The following FARP1 variants were observed in gnomAD, a reference collection of about 807,000 sequenced individuals.
FARP1 encodes FERM, ARHGEF and pleckstrin domain-containing protein 1.
Under a neutral mutation model 128.8 loss-of-function variants are expected in FARP1, and 52 were observed. That is an observed-to-expected ratio of 0.40 (90% confidence interval 0.32 to 0.51). The LOEUF (loss-of-function observed/expected upper bound fraction) is 0.51, where lower values mean the gene tolerates loss of function less well. Ranked by LOEUF, FARP1 falls within the 20% of genes least tolerant of loss-of-function variation. FARP1 has a pLI of 0.45. For synonymous variants in FARP1, 580 were observed against 551.8 expected (o/e 1.05, Z -0.72); for missense variants, 1,333 against 1,367.9 (o/e 0.97, Z 0.40).
intron 2 of FARP1, among the ~76,000 whole-genome samples, chr13:98,265,283 C>T (rs1418783601): frequency 6.9e-6 from 1 of 145,156 alleles, no homozygotes; most frequent in Non-Finnish European, 1.5e-5. Flanking sequence ...ATGACATACA[C>T]CCACCCACCC....
At chr13:98,323,736 A>C (rs1887107829) in intron 2 of FARP1, among the ~76,000 whole-genome samples, 1 of 152,212 alleles carries the variant, frequency 6.6e-6, no homozygotes, top group African/African-American at 2.4e-5. Flanking sequence ...GTAGATATCT[A>C]GTTTATTTTG....
Position 98,453,038 on chromosome 13 carries a change from G to A in FARP1, c.*4721G>A. 2 of 928,442 alleles carry A rather than the reference G, an allele frequency of 2.2e-6. No individual in the cohort carries two copies. The highest frequency in any genetic ancestry group is 3.3e-6 in the Non-Finnish European group (2 of 607,886). The allele number at this position is 928,442 out of a possible 1,614,324, so 57.5% of individuals were successfully genotyped here. A position where few individuals can be genotyped will look rare whatever the true frequency, so the allele number is the denominator to read the frequency against. ...TGAAGACTGTGTGTGTCCCTGGACG[G>A]GCGCCTGGCGCTGGGGTGGCTCCCA... On this transcript the variant is annotated 3_prime_UTR_variant, in exon 27 of 27. Transcript: ENST00000319562.
chr13:98,305,903 C>T (rs1375104383), intron 2 of FARP1, among the ~76,000 whole-genome samples: 1 of 151,798 alleles, frequency 6.6e-6, no homozygotes, highest in East Asian at 1.9e-4. Flanking sequence ...GCCAGTTTCC[C>T]TTTTCAGTTA....
chr13:98,143,724 G>A (rs948050226), intron 1 of FARP1, among the ~76,000 whole-genome samples: 3 of 151,550 alleles, frequency 2.0e-5, no homozygotes, highest in African/African-American at 7.3e-5. Flanking sequence ...GCTCCGGGCT[G>A]CCCCCTGCGC....
intron 2 of FARP1, among the ~76,000 whole-genome samples, chr13:98,231,934 T>C (rs1196138332): frequency 6.6e-6 from 1 of 152,114 alleles, no homozygotes; most frequent in Non-Finnish European, 1.5e-5. Flanking sequence ...TTCAAGTGAT[T>C]TTCCTGCCTC....
intron 16 of FARP1, among the ~76,000 whole-genome samples, chr13:98,418,682 C>T (rs1279144608): frequency 6.6e-6 from 1 of 152,192 alleles, no homozygotes; most frequent in Admixed American, 6.5e-5. Context: ...TTCCCTGAGA[C>T]GAGTGAAACC....
intron 2 of FARP1, among the ~76,000 whole-genome samples, chr13:98,257,722 A>T (rs949592505): frequency 2.6e-5 from 4 of 152,092 alleles, no homozygotes; most frequent in Admixed American, 2.6e-4. Context: ...GTGAGCCGAG[A>T]TTGCACCACT....
At chr13:98,289,905 A>G (rs1678354976) in intron 2 of FARP1, among the ~76,000 whole-genome samples, 1 of 152,188 alleles carries the variant, frequency 6.6e-6, no homozygotes, top group Non-Finnish European at 1.5e-5. Flanking sequence ...GGGAGATAGG[A>G]ACATTTGTCC....
chr13:98,242,323 C>T (rs185831696), intron 2 of FARP1, among the ~76,000 whole-genome samples: 20 of 152,278 alleles, frequency 1.3e-4, no homozygotes, highest in Admixed American at 1.3e-3. Context: ...ACTCAACATT[C>T]ATTAGCTAAA....
chr13:98,261,002 C>T (rs1351157321), intron 2 of FARP1, among the ~76,000 whole-genome samples: 1 of 152,154 alleles, frequency 6.6e-6, no homozygotes, highest in East Asian at 1.9e-4. Flanking sequence ...TTTAATTCTG[C>T]TCTGTGTAGG....
intron 2 of FARP1, among the ~76,000 whole-genome samples, chr13:98,278,088 A>G (rs949314570): frequency 2.4e-5 from 3 of 124,478 alleles, no homozygotes; most frequent in Admixed American, 2.3e-4. Flanking sequence ...GGGAAGTATT[A>G]CTGTGACTAT....
At chr13:98,212,184 T>C (rs547002840) in intron 1 of FARP1, among the ~76,000 whole-genome samples, 1 of 152,344 alleles carries the variant, frequency 6.6e-6, no homozygotes, top group East Asian at 1.9e-4. Flanking sequence ...GCCTCCCAAG[T>C]AGCCAGGACT....
chr13:98,384,900 C>A, intron 7 of FARP1, 56 bp downstream of exon 7: 1 of 1,033,426 alleles, frequency 9.7e-7, no homozygotes, highest in Non-Finnish European at 1.5e-6. Context: ...CTGCCTCCAA[C>A]CTACATGGGT....
chr13:98,311,323 T>A (rs1886451017), intron 2 of FARP1, among the ~76,000 whole-genome samples: 1 of 152,028 alleles, frequency 6.6e-6, no homozygotes. Context: ...TAATCCCAGG[T>A]TTTTTTTGTT....
intron 2 of FARP1, among the ~76,000 whole-genome samples, chr13:98,324,477 G>C (rs1425802905): frequency 5.3e-5 from 8 of 152,190 alleles, no homozygotes. Flanking sequence ...TGATCCATCA[G>C]TTCAGTCTAA....
intron 2 of FARP1, among the ~76,000 whole-genome samples, chr13:98,278,025 CA>C (rs1177805129): frequency 3.9e-5 from 6 of 152,186 alleles, no homozygotes; most frequent in Non-Finnish European, 8.8e-5. Flanking sequence ...TTTAAATGGT[CA>C]AAATCTGGTG....
At chr13:98,309,341 T>G (rs1017180052) in intron 2 of FARP1, among the ~76,000 whole-genome samples, 4 of 150,422 alleles carry the variant, frequency 2.7e-5, no homozygotes, top group African/African-American at 9.8e-5. Context: ...TATTTTTTTT[T>G]TGTATTTTTA....
chr13:98,143,150 G>C lies in FARP1; in HGVS notation c.-366G>C, dbSNP rs1875177409. The C allele has an allele frequency of 6.8e-6, 1 of 147,656 alleles. No individual in the cohort carries two copies. The highest frequency in any genetic ancestry group is 2.4e-5 in the African/African-American group (1 of 40,960). 9.1% of individuals were successfully genotyped at this position (147,656 alleles called of 1,614,324 possible). On this transcript the variant is annotated 5_prime_UTR_variant, in exon 1 of 27. Coordinates refer to ENST00000319562, the MANE Select transcript of FARP1 (RefSeq NM_005766.4). ...GGGTCCGGCGCGGGCGCAGCGGTGC[G>C]GGCGCTCGGCTGGGGCGCGGGGCGG...
chr13:98,359,484 GCTTT>G (rs1192999551), intron 3 of FARP1, among the ~76,000 whole-genome samples: 3 of 152,206 alleles, frequency 2.0e-5, no homozygotes, highest in Non-Finnish European at 4.4e-5. Flanking sequence ...GAGGAGAACA[GCTTT>G]GGGGATAGTG....
Sources: allele counts gnomAD v4.1 joint callset (sites outside exome capture counted in the v4.1 genomes callset), GRCh38; gene constraint gnomAD v4.1.1; transcripts MANE v1.5; gene names NCBI Gene and HGNC (gene_info 2026-07-23, HGNC 2026-07-21).